The following SPTAN1 variants were observed in gnomAD, a reference collection of about 807,000 sequenced individuals.
The protein encoded by SPTAN1 is spectrin alpha, non-erythrocytic 1.
SPTAN1 carries 61 observed loss-of-function variants against 331.3 expected under a neutral mutation model. The ratio of observed to expected loss-of-function variants is 0.18; its 90% CI spans 0.15 to 0.23. The LOEUF (loss-of-function observed/expected upper bound fraction) is 0.23. Among genes scored for constraint, SPTAN1 ranks in the 10% least tolerant of loss-of-function variants. SPTAN1 has a pLI of 1.00. For missense variants in SPTAN1, 2,043 were observed against 3,147.9 expected, an observed-to-expected ratio of 0.65 and a Z score of 8.40; for synonymous variants, 1,153 against 1,173.9, an observed-to-expected ratio of 0.98 and a Z score of 0.36.
At chr9:128,615,524 T>C in intron 40 of SPTAN1, 108 bp from the exon 41 acceptor site, 6 of 1,137,824 alleles carry the variant, frequency 5.3e-6, no homozygotes, top group Non-Finnish European at 6.6e-6. Context: ...TAACAGACTT[T>C]GAGAATATCA....
At chr9:128,593,791 A>G (rs1226701782) in intron 23 of SPTAN1, 1 of 268,818 alleles carries the variant, frequency 3.7e-6, no homozygotes, top group East Asian at 8.1e-5. Context: ...AAAGACAGAA[A>G]AACCCTCTGT....
At chr9:128,630,047 T>C (rs1304350896) in intron 51 of SPTAN1, 2 of 603,014 alleles carry the variant, frequency 3.3e-6, no homozygotes, top group African/African-American at 3.6e-5. Flanking sequence ...TAAACTCCAT[T>C]CCTGAGTCAT....
At chr9:128,566,009 A>G (rs1034075416) in intron 1 of SPTAN1, among the ~76,000 whole-genome samples, 3 of 152,160 alleles carry the variant, frequency 2.0e-5, no homozygotes, top group Non-Finnish European at 4.4e-5. Flanking sequence ...TTTGGCGTTA[A>G]TCTGTATCTG....
intron 12 of SPTAN1, 21 bp downstream of exon 12, chr9:128,581,913 TG>T (rs1564221542): frequency 2.0e-6 from 3 of 1,511,114 alleles, no homozygotes; most frequent in Admixed American, 1.7e-5. Flanking sequence ...TTCTTGTCAG[TG>T]CTTTCAAATG....
chr9:128,607,801 CAG>C, intron 32 of SPTAN1, 49 bp from the exon 33 acceptor site: 1 of 1,611,900 alleles, frequency 6.2e-7, no homozygotes, highest in East Asian at 2.2e-5. Context: ...TGGTTGACGT[CAG>C]AGTGGGCATC....
At chr9:128,594,429 A>ATTTTTTTTTTT (rs10679469) in intron 24 of SPTAN1, 56 bp downstream of exon 24, 9 of 760,168 alleles carry the variant, frequency 1.2e-5, no homozygotes, top group African/African-American at 4.2e-5. Context: ...GAGTCTCTTG[A>ATTTTTTTTTTT]TTTTTTTTTT....
intron 24 of SPTAN1, among the ~76,000 whole-genome samples, chr9:128,595,065 C>T (rs573702134): frequency 1.3e-5 from 2 of 151,988 alleles, no homozygotes; most frequent in East Asian, 3.9e-4. Context: ...CTGCCTCAGC[C>T]TCCCAAAGTA....
chr9:128,560,331 C>G (rs1346825962), intron 1 of SPTAN1, among the ~76,000 whole-genome samples: 1 of 151,622 alleles, frequency 6.6e-6, no homozygotes, highest in African/African-American at 2.4e-5. Context: ...CAATCCACCC[C>G]CTTCAGCCTT....
intron 1 of SPTAN1, among the ~76,000 whole-genome samples, chr9:128,553,745 T>G (rs755110850): frequency 2.0e-5 from 3 of 152,192 alleles, no homozygotes; most frequent in Non-Finnish European, 4.4e-5. Flanking sequence ...CCTAAAATAT[T>G]TAAGCCCTTT....
intron 31 of SPTAN1, among the ~76,000 whole-genome samples, chr9:128,607,205 C>G (rs1002861321): frequency 6.6e-6 from 1 of 151,548 alleles, no homozygotes; most frequent in Non-Finnish European, 1.5e-5. Flanking sequence ...GGTTGCACCA[C>G]ATTGCCCAAA....
At position 128,615,739 on chromosome 9, in the gene SPTAN1, G is replaced by A. The variant is rs567205255; in HGVS notation, c.5256G>A (p.Gln1752=). 2 of 1,614,244 alleles carry A rather than the reference G, an allele frequency of 1.2e-6. No homozygotes were observed. The highest frequency in any genetic ancestry group is 4.5e-5 in the East Asian group (2 of 44,878). ...DKRDTINGRF[Q]KIKSMAASRR... ...GGGACACCATCAACGGGCGCTTCCA[G>A]AAGATCAAGAGCATGGCGGCCTCCC... Residue 1752 remains glutamine (Q), a synonymous_variant, in exon 41 of 57, where the codon CAG becomes CAA. Transcript: ENST00000372739.
intron 3 of SPTAN1, among the ~76,000 whole-genome samples, chr9:128,572,925 A>G (rs138399852): frequency 1.7e-3 from 252 of 152,200 alleles, no homozygotes; most frequent in African/African-American, 4.8e-3. Context: ...CAGTGGTGGA[A>G]GTGAATTGTG....
chr9:128,563,268 T>C (rs956543323), intron 1 of SPTAN1, among the ~76,000 whole-genome samples: 4 of 151,458 alleles, frequency 2.6e-5, no homozygotes, highest in Admixed American at 6.6e-5. Flanking sequence ...ATATAAAAAT[T>C]ATCCAGGTGT....
At chr9:128,597,692 A>G (rs1015352094) in intron 24 of SPTAN1, among the ~76,000 whole-genome samples, 1 of 152,204 alleles carries the variant, frequency 6.6e-6, no homozygotes, top group Non-Finnish European at 1.5e-5. Context: ...TCTGTTGCCC[A>G]GGATGGAGTG....
At chr9:128,606,167 C>G (rs1589301091) in intron 31 of SPTAN1, among the ~76,000 whole-genome samples, 1 of 151,650 alleles carries the variant, frequency 6.6e-6, no homozygotes. Flanking sequence ...GTCAGGAATT[C>G]AGGACCAGCC....
At chr9:128,591,204 G>C (rs1293771710) in intron 21 of SPTAN1, among the ~76,000 whole-genome samples, 2 of 151,966 alleles carry the variant, frequency 1.3e-5, no homozygotes, top group Non-Finnish European at 2.9e-5. Context: ...TGGGGCTACA[G>C]GTGCCCACCA....
chr9:128,581,104 C>T lies in SPTAN1; in HGVS notation c.1461+45C>T, dbSNP rs768933627. Reference sequence around the variant, plus strand: ...TTGCCAGTGGTGGGAGAAGAAGGGCCTGTGTTTTGCCTCCTCGGGTAGTGT... The same window carrying T: ...TTGCCAGTGGTGGGAGAAGAAGGGCTTGTGTTTTGCCTCCTCGGGTAGTGT... On this transcript the variant is annotated intron_variant, in intron 11 of 56. Coordinates refer to ENST00000372739, the MANE Select transcript of SPTAN1 (RefSeq NM_001130438.3). 4 of 1,612,220 alleles carry T rather than the reference C, an allele frequency of 2.5e-6. No homozygotes were observed. The South Asian group carries it at 4.4e-5, about 18-fold the overall frequency.
chr9:128,624,528 C>T, intron 46 of SPTAN1, 41 bp downstream of exon 46: 3 of 1,607,734 alleles, frequency 1.9e-6, no homozygotes, highest in Non-Finnish European at 2.5e-6. Flanking sequence ...CTTCCCAGAG[C>T]TGCTCTTTGT....
chr9:128,557,139 A>G (rs778145394), intron 1 of SPTAN1, among the ~76,000 whole-genome samples: 1 of 152,236 alleles, frequency 6.6e-6, no homozygotes, highest in Non-Finnish European at 1.5e-5. Flanking sequence ...CCATAACCAA[A>G]TGACCAAACG....
Sources: gnomAD v4.1 joint callset for allele counts (sites outside exome capture counted in the v4.1 genomes callset) on GRCh38, gnomAD v4.1.1 for gene constraint, MANE v1.5 for transcripts, NCBI Gene and HGNC (gene_info 2026-07-23, HGNC 2026-07-21) for gene names.